The following CHST11 variants were observed in gnomAD, a reference collection of about 807,000 sequenced individuals.
CHST11 encodes the protein C4S-1.
Under a neutral mutation model 30.4 loss-of-function variants are expected in CHST11, and 9 were observed. That is an observed-to-expected ratio of 0.30 (90% CI 0.18 to 0.52). The LOEUF (loss-of-function observed/expected upper bound fraction) is 0.52. CHST11 is among the 20% of genes least tolerant of loss of function. The pLI is 0.97. For synonymous variants in CHST11, 152 were observed against 187.8 expected, an observed-to-expected ratio of 0.81 and a Z score of 1.56; for missense variants, 348 against 460.6, an observed-to-expected ratio of 0.76 and a Z score of 2.24.
At chr12:104,543,611 A>C (rs1158256597) in intron 1 of CHST11, among the ~76,000 whole-genome samples, 1 of 152,076 alleles carries the variant, frequency 6.6e-6, no homozygotes, top group Non-Finnish European at 1.5e-5. Flanking sequence ...CAGGAGTATA[A>C]GTTGAGGGAA....
intron 2 of CHST11, among the ~76,000 whole-genome samples, chr12:104,692,061 A>G (rs2039901467): frequency 6.6e-6 from 1 of 152,372 alleles, no homozygotes; most frequent in Middle Eastern, 3.4e-3. Context: ...TTTTAAATAC[A>G]TACAATTGAG....
chr12:104,702,648 C>T (rs1198701273), intron 2 of CHST11, among the ~76,000 whole-genome samples: 1 of 152,160 alleles, frequency 6.6e-6, no homozygotes. Context: ...AGCGACTCCC[C>T]CGCACTGGGG....
chr12:104,597,199 C>T (rs562134343), intron 1 of CHST11, among the ~76,000 whole-genome samples: 4 of 152,196 alleles, frequency 2.6e-5, no homozygotes, highest in Admixed American at 1.3e-4. Context: ...CAAACACGAG[C>T]GGCTTGAGTT....
Position 104,682,894 on chromosome 12 carries a change from G to C in CHST11, c.205-74055G>C, listed in dbSNP as rs908764844. On this transcript the variant is annotated intron_variant, in intron 2 of 2. Coordinates refer to ENST00000303694, the MANE Select transcript of CHST11 (RefSeq NM_018413.6). ...GCCAGCTACCGTAACCGTAGCCACCGATCACCAAGTACCAACCCTGTGTCC... is the reference window on the plus strand; with the variant it reads ...GCCAGCTACCGTAACCGTAGCCACCCATCACCAAGTACCAACCCTGTGTCC... Among the ~76,000 whole-genome samples, 18 of 152,150 alleles carry C rather than the reference G, an allele frequency of 1.2e-4. 1 individual carries two copies. Among genetic ancestry groups the C allele is most frequent in the Admixed American group, 9.2e-4 (14 of 15,272 alleles).
At position 104,757,215 on chromosome 12, in the gene CHST11, C is replaced by T; in HGVS notation, c.471C>T (p.Val157=). ...PMEIPANEAH[V]SANLKTLNQY... Reference sequence around the variant, plus strand: ...AGATCCCGGCCAACGAGGCACACGTCTCCGCCAACCTGAAGACCCTGAACC... The same window carrying T: ...AGATCCCGGCCAACGAGGCACACGTTTCCGCCAACCTGAAGACCCTGAACC... Residue 157 remains valine (V), a synonymous_variant, in exon 3 of 3, where the codon GTC becomes GTT. Coordinates refer to ENST00000303694, the MANE Select transcript of CHST11 (RefSeq NM_018413.6). The surrounding 1 kb of genome is among the most constrained non-coding windows in gnomAD (Gnocchi z 6.5). 1 of 1,614,122 alleles carries T rather than the reference C, an allele frequency of 6.2e-7. No individual in the cohort carries two copies. The highest frequency in any genetic ancestry group is 2.2e-5 in the East Asian group (1 of 44,872).
chr12:104,706,100 A>G (rs2040031444), intron 2 of CHST11, among the ~76,000 whole-genome samples: 1 of 151,446 alleles, frequency 6.6e-6, no homozygotes, highest in Non-Finnish European at 1.5e-5. Flanking sequence ...ACAGATAGAT[A>G]TTGGTGGGTA....
chr12:104,596,406 T>A (rs1346699308), intron 1 of CHST11, among the ~76,000 whole-genome samples: 1 of 152,180 alleles, frequency 6.6e-6, no homozygotes, highest in African/African-American at 2.4e-5. Flanking sequence ...CAGAGACCCA[T>A]CTGGACTTGG....
chr12:104,706,307 C>A (rs2136117114), intron 2 of CHST11, among the ~76,000 whole-genome samples: 1 of 151,210 alleles, frequency 6.6e-6, no homozygotes, highest in Non-Finnish European at 1.5e-5. Context: ...TTACTTGAAC[C>A]TGGGAGGCGG....
At chr12:104,606,819 A>T (rs912895322) in intron 2 of CHST11, among the ~76,000 whole-genome samples, 5 of 152,156 alleles carry the variant, frequency 3.3e-5, no homozygotes, top group African/African-American at 1.2e-4. Flanking sequence ...CTGTAATCCA[A>T]CACTTTGGGA....
intron 2 of CHST11, among the ~76,000 whole-genome samples, chr12:104,644,094 G>A (rs1477101678): frequency 6.6e-6 from 1 of 152,132 alleles, no homozygotes; most frequent in African/African-American, 2.4e-5. Flanking sequence ...CTCACGGGAT[G>A]GAGAACTGCT....
Position 104,757,953 on chromosome 12 carries a change from C to G in CHST11, c.*150C>G. The G allele has an allele frequency of 1.1e-6, 1 of 879,604 alleles. No individual in the cohort carries two copies. Among genetic ancestry groups the G allele is most frequent in the Non-Finnish European group, 1.7e-6 (1 of 594,134 alleles). 54.5% of individuals were successfully genotyped at this position (879,604 alleles called of 1,614,324 possible). ...ATAGTGAGAATTATTTAAAATCCTT[C>G]GTAGGGAAGGACAGCTGTCTTTGCA... is the stretch of plus-strand genomic sequence containing the variant. On this transcript the variant is annotated 3_prime_UTR_variant, in exon 3 of 3. Coordinates refer to ENST00000303694, the MANE Select transcript of CHST11 (RefSeq NM_018413.6). This position sits in a 1 kb window ranked among gnomAD's most constrained non-coding sequence, Gnocchi z 6.5.
intron 1 of CHST11, among the ~76,000 whole-genome samples, chr12:104,526,521 G>C (rs11112090): frequency 0.11 from 17,248 of 152,186 alleles, 1,083 homozygotes; most frequent in African/African-American, 0.16. Flanking sequence ...CCGGGCCTGA[G>C]GTTTGCCCCT....
intron 1 of CHST11, among the ~76,000 whole-genome samples, chr12:104,540,224 GA>G (rs538263832): frequency 6.2e-4 from 94 of 152,302 alleles, no homozygotes; most frequent in African/African-American, 1.9e-3. Context: ...TGGAACTCAT[GA>G]ATATGGAGGC....
chr12:104,574,825 T>G (rs536672368), intron 1 of CHST11, among the ~76,000 whole-genome samples: 8 of 150,698 alleles, frequency 5.3e-5, no homozygotes, highest in South Asian at 2.1e-4. Context: ...ACCTGTACAT[T>G]GTGCACATGT....
chr12:104,492,088 T>C (rs1297638137), intron 1 of CHST11, among the ~76,000 whole-genome samples: 1 of 152,160 alleles, frequency 6.6e-6, no homozygotes. Flanking sequence ...CCTCTTACCA[T>C]GTCACTCTGT....
chr12:104,685,238 T>C (rs1380674801), intron 2 of CHST11, among the ~76,000 whole-genome samples: 2 of 152,236 alleles, frequency 1.3e-5, no homozygotes, highest in Non-Finnish European at 2.9e-5. Flanking sequence ...TATAGCCTCC[T>C]GAGAGGGCTG....
chr12:104,686,670 G>C (rs895834412), intron 2 of CHST11, among the ~76,000 whole-genome samples: 1 of 152,066 alleles, frequency 6.6e-6, no homozygotes, highest in Non-Finnish European at 1.5e-5. Context: ...GGTTGGAGAC[G>C]GAGTTTCATT....
intron 2 of CHST11, among the ~76,000 whole-genome samples, chr12:104,682,123 G>A (rs189318704): frequency 1.2e-3 from 187 of 152,140 alleles, no homozygotes; most frequent in African/African-American, 4.0e-3. Flanking sequence ...GTGAGCCACC[G>A]CGCCTGGCCT....
intron 1 of CHST11, among the ~76,000 whole-genome samples, chr12:104,459,694 C>A (rs1458242649): frequency 6.6e-6 from 1 of 150,966 alleles, no homozygotes. Context: ...TTCAGCCTAG[C>A]CTTTTGGAAG....
Sources: allele counts gnomAD v4.1 joint callset (sites outside exome capture counted in the v4.1 genomes callset), GRCh38; gene constraint gnomAD v4.1.1; non-coding constraint Gnocchi (gnomAD v3.1); transcripts MANE v1.5; gene names NCBI Gene and HGNC (gene_info 2026-07-23, HGNC 2026-07-21).